Variants in RIMS2 observed in about 807,000 individuals in gnomAD.
RIMS2 encodes regulating synaptic membrane exocytosis 2, also known as regulating synaptic membrane exocytosis protein 2.
A neutral mutation model predicts 174.4 loss-of-function variants in RIMS2; 59 were observed. The ratio of observed to expected loss-of-function variants is 0.34; its 90% confidence interval spans 0.27 to 0.42. The LOEUF (loss-of-function observed/expected upper bound fraction) is 0.42. Ranked by LOEUF, RIMS2 falls within the 10% of genes least tolerant of loss-of-function variation. The pLI, the probability that RIMS2 is intolerant of heterozygous loss-of-function variation, is 1.00. For synonymous variants in RIMS2, 606 were observed against 572.5 expected, an observed-to-expected ratio of 1.06 and a Z score of -0.84; for missense variants, 1,620 against 1,666.3, an observed-to-expected ratio of 0.97 and a Z score of 0.48.
At chr8:104,171,167 G>A (rs961941373) in intron 19 of RIMS2, among the ~76,000 whole-genome samples, 11 of 152,190 alleles carry the variant, frequency 7.2e-5, no homozygotes, top group Admixed American at 7.2e-4. Context: ...GGAGCTTTTT[G>A]TATTTAGATG....
intron 3 of RIMS2, among the ~76,000 whole-genome samples, chr8:103,870,188 T>C (rs2099103945): frequency 6.6e-6 from 1 of 151,884 alleles, no homozygotes; most frequent in South Asian, 2.1e-4. Context: ...ATTTACCAGC[T>C]ATGTGATTTT....
chr8:103,652,246 A>G lies in RIMS2; in HGVS notation c.177-44840A>G, dbSNP rs760243261. 1 of 1,344,756 alleles carries G rather than the reference A, an allele frequency of 7.4e-7. No individual in the cohort carries two copies. Among genetic ancestry groups the G allele is most frequent in the South Asian group, 1.1e-5 (1 of 87,792 alleles). 83.3% of individuals were successfully genotyped at this position (1,344,756 alleles called of 1,614,324 possible). ...AAACCACAACTGACACAGTAAGTAA[A>G]TGTATTAAGAGTGTAGTAGGCTTGA... On this transcript the variant is annotated intron_variant, in intron 1 of 23. Coordinates refer to ENST00000504942, the Ensembl canonical transcript of RIMS2.
rs373519644 is a variant in RIMS2 at position 103,775,618 on chromosome 8, G to A, written c.698+9081G>A. Among the ~76,000 whole-genome samples, 7 of 152,204 alleles carry A rather than the reference G, an allele frequency of 4.6e-5. 1 individual carries two copies. Among genetic ancestry groups the A allele is most frequent in the African/African-American group, 1.7e-4 (7 of 41,548 alleles). On this transcript the variant is annotated intron_variant, in intron 3 of 23. Transcript: ENST00000504942. Reference sequence around the variant, plus strand: ...ATTAAATAACAAATGTCTTTAACATGACTGATGTCTTTTCTGTAGCATTTT... The same window carrying A: ...ATTAAATAACAAATGTCTTTAACATAACTGATGTCTTTTCTGTAGCATTTT...
At chr8:103,998,252 T>C (rs748309809) in intron 17 of RIMS2, 1 of 1,602,348 alleles carries the variant, frequency 6.2e-7, no homozygotes, top group Admixed American at 1.7e-5. Context: ...GGATGGCAGG[T>C]ATATTTTTCT....
intron 19 of RIMS2, among the ~76,000 whole-genome samples, chr8:104,196,299 G>A (rs2441902): frequency 0.76 from 115,042 of 151,988 alleles, 44,759 homozygotes; most frequent in African/African-American, 0.94. Flanking sequence ...TTAATCTTTG[G>A]TTCACTGATC....
chr8:104,020,735 A>G (rs72683146), intron 19 of RIMS2, among the ~76,000 whole-genome samples: 8,676 of 152,104 alleles, frequency 0.057, 368 homozygotes, highest in Non-Finnish European at 0.087. Flanking sequence ...AGTTTAAAGT[A>G]GAAAATGAGA....
intron 1 of RIMS2, among the ~76,000 whole-genome samples, chr8:103,523,026 G>T (rs1239745218): frequency 6.6e-6 from 1 of 152,050 alleles, no homozygotes; most frequent in East Asian, 1.9e-4. Context: ...TTTAAAAACT[G>T]ACCTTGAATG....
chr8:103,513,262 G>C (rs541879301), intron 1 of RIMS2, among the ~76,000 whole-genome samples: 2 of 152,230 alleles, frequency 1.3e-5, no homozygotes, highest in Admixed American at 6.5e-5. Flanking sequence ...TTGGATAGGG[G>C]ATAGAAAACG....
chr8:103,967,519 G>T (rs1035058360), intron 15 of RIMS2, among the ~76,000 whole-genome samples: 2 of 149,744 alleles, frequency 1.3e-5, no homozygotes, highest in African/African-American at 4.9e-5. Context: ...TTGAGACAGG[G>T]TCTGGCTCTG....
At chr8:104,022,494 G>C (rs1181710668) in intron 19 of RIMS2, among the ~76,000 whole-genome samples, 2 of 152,024 alleles carry the variant, frequency 1.3e-5, no homozygotes, top group African/African-American at 4.8e-5. Flanking sequence ...GGATTCTCCT[G>C]CCTCAGCCTT....
chr8:104,065,205 G>A (rs550450803), intron 19 of RIMS2, among the ~76,000 whole-genome samples: 38 of 152,152 alleles, frequency 2.5e-4, no homozygotes, highest in African/African-American at 8.7e-4. Flanking sequence ...GAGAAAGAGA[G>A]AGGAAATTGA....
At chr8:104,096,287 C>T (rs540835532) in intron 19 of RIMS2, among the ~76,000 whole-genome samples, 8 of 152,282 alleles carry the variant, frequency 5.3e-5, no homozygotes, top group East Asian at 1.9e-4. Flanking sequence ...CCAGATCCCA[C>T]GCTGCCATAC....
intron 19 of RIMS2, among the ~76,000 whole-genome samples, chr8:104,214,561 C>T (rs549243096): frequency 1.3e-5 from 2 of 152,266 alleles, no homozygotes; most frequent in Non-Finnish European, 2.9e-5. Context: ...GATTCTCCTG[C>T]CTCAGCCTCC....
chr8:103,841,879 C>G (rs1395907314), intron 3 of RIMS2, among the ~76,000 whole-genome samples: 1 of 151,796 alleles, frequency 6.6e-6, no homozygotes, highest in Non-Finnish European at 1.5e-5. Context: ...TGCTAGAACC[C>G]GGGAGGCAGA....
Position 103,912,045 on chromosome 8 carries a change from A to C in RIMS2, c.1693-8A>C, listed in dbSNP as rs1345911586. 7.2e-6 allele frequency: 11 copies of C among 1,536,090 alleles called. No individual in the cohort carries two copies. The highest frequency in any genetic ancestry group is 9.7e-6 in the Non-Finnish European group (11 of 1,137,434). The stretch of plus-strand genomic sequence containing the variant: ...TTATTTATTTTGTTTGTTGATGCAA[A>C]ATGTCAGCACCCTGTAACCTGGCAA... On this transcript the variant is annotated splice_region_variant and splice_polypyrimidine_tract_variant and intron_variant, in intron 5 of 23. Transcript: ENST00000504942.
chr8:103,613,699 C>G (rs190774188), intron 1 of RIMS2, among the ~76,000 whole-genome samples: 8 of 152,300 alleles, frequency 5.3e-5, no homozygotes, highest in African/African-American at 1.9e-4. Flanking sequence ...TGGCATACTA[C>G]CTGGGTATCA....
chr8:103,579,496 GT>G (rs777595326), intron 1 of RIMS2, among the ~76,000 whole-genome samples: 18 of 152,104 alleles, frequency 1.2e-4, no homozygotes, highest in South Asian at 2.1e-4. Flanking sequence ...AATAATCATA[GT>G]TATAGCTACC....
intron 19 of RIMS2, among the ~76,000 whole-genome samples, chr8:104,061,886 G>C (rs1416925595): frequency 6.6e-6 from 1 of 151,768 alleles, no homozygotes; most frequent in Non-Finnish European, 1.5e-5. Flanking sequence ...TAATATACTT[G>C]TGTACACATC....
chr8:104,070,494 C>T (rs1012756666), intron 19 of RIMS2, among the ~76,000 whole-genome samples: 3 of 152,130 alleles, frequency 2.0e-5, no homozygotes, highest in Non-Finnish European at 4.4e-5. Flanking sequence ...TTAGAACATT[C>T]CTAACTATTT....
Sources: gnomAD v4.1 joint callset for allele counts (sites outside exome capture counted in the v4.1 genomes callset) on GRCh38, gnomAD v4.1.1 for gene constraint, MANE v1.5 for transcripts, NCBI Gene and HGNC (gene_info 2026-07-23, HGNC 2026-07-21) for gene names.